The following GGTA1 variants were observed in gnomAD, a reference collection of about 807,000 sequenced individuals.
GGTA1 encodes the protein inactive N-acetyllactosaminide alpha-1,3-galactosyltransferase.
In GGTA1, 5 loss-of-function variants were observed where a neutral mutation model predicts 2.6. That is an observed-to-expected ratio of 1.92 (90% confidence interval 1.00 to 4.04). GGTA1 has a LOEUF of 4.04. Among genes scored for constraint, GGTA1 ranks in the 30% most tolerant of loss-of-function variants. The pLI, the probability that GGTA1 is intolerant of heterozygous loss-of-function variation, is 0.00. For synonymous variants in GGTA1, 17 were observed against 5.0 expected, an observed-to-expected ratio of 3.38 and a Z score of -3.19; for missense variants, 50 against 16.7, an observed-to-expected ratio of 2.99 and a Z score of -3.47.
chr9:121,487,247 C>G (rs1176681645), intron 1 of GGTA1, among the ~76,000 whole-genome samples: 1 of 152,086 alleles, frequency 6.6e-6, no homozygotes, highest in African/African-American at 2.4e-5. Context: ...CTGGGTTGAT[C>G]TCTGTTCCCA....
intron 1 of GGTA1, among the ~76,000 whole-genome samples, chr9:121,477,072 G>C (rs1828524492): frequency 6.6e-6 from 1 of 152,192 alleles, no homozygotes; most frequent in Non-Finnish European, 1.5e-5. Flanking sequence ...CTATGATCCA[G>C]GTCTCACAGC....
intron 1 of GGTA1, among the ~76,000 whole-genome samples, chr9:121,474,657 C>G (rs1473559580): frequency 6.6e-6 from 1 of 152,190 alleles, no homozygotes; most frequent in Non-Finnish European, 1.5e-5. Flanking sequence ...TCGTTCCAAA[C>G]AGAATTCCAC....
At position 121,455,660 on chromosome 9, in the gene GGTA1, C is replaced by T. The variant is rs2064905311; in HGVS notation, c.*177G>A. The stretch of plus-strand genomic sequence containing the variant: ...CCCAGTTCCCTGCTCTATACCAGGT[C>T]ATCCTGCTAAGCGCTGAGATGGGAG... On this transcript the variant is annotated 3_prime_UTR_variant, in exon 6 of 6. Transcript: ENST00000481799. 2 of 280,518 alleles carry T rather than the reference C, an allele frequency of 7.1e-6. No individual in the cohort carries two copies. The highest frequency in any genetic ancestry group is 8.1e-5 in the Admixed American group (2 of 24,736). 17.4% of individuals were successfully genotyped at this position (280,518 alleles called of 1,614,324 possible).
Position 121,487,296 on chromosome 9 carries a change from A to C in GGTA1, c.-10+12354T>G, listed in dbSNP as rs541969233. Among the ~76,000 whole-genome samples, 27 of 150,056 alleles carry C rather than the reference A, an allele frequency of 1.8e-4. 1 individual carries two copies. Among genetic ancestry groups the C allele is most frequent in the Middle Eastern group, 3.4e-3 (1 of 292 alleles). On this transcript the variant is annotated intron_variant, in intron 1 of 5. Transcript: ENST00000481799. ...GCCTCACGAGTTAAAGATGAGGCTC[A>C]GGCTGCGCGCGGTGACTCACACCTT...
At chr9:121,465,811 C>G (rs1283938157) in intron 2 of GGTA1, among the ~76,000 whole-genome samples, 1 of 152,186 alleles carries the variant, frequency 6.6e-6, no homozygotes, top group Non-Finnish European at 1.5e-5. Flanking sequence ...TGACAGCTAG[C>G]ATTTATTGTT....
chr9:121,456,734 T>C (rs1325643157), intron 5 of GGTA1, among the ~76,000 whole-genome samples: 1 of 151,792 alleles, frequency 6.6e-6, no homozygotes, highest in African/African-American at 2.4e-5. Context: ...TAAAATTCTA[T>C]GAATCATGGA....
At chr9:121,467,086 T>C (rs2065010460) in intron 2 of GGTA1, among the ~76,000 whole-genome samples, 1 of 152,102 alleles carries the variant, frequency 6.6e-6, no homozygotes, top group Admixed American at 6.6e-5. Context: ...TACAACTCAA[T>C]TGTACAGTAG....
At position 121,476,267 on chromosome 9, in the gene GGTA1, C is replaced by T. The variant is rs536132205; in HGVS notation, c.-9-8336G>A. Among the ~76,000 whole-genome samples the T allele has an allele frequency of 1.3e-5, 2 of 152,264 alleles. No homozygotes were observed. The highest frequency in any genetic ancestry group is 4.1e-4 in the South Asian group (2 of 4,824). On this transcript the variant is annotated intron_variant, in intron 1 of 5. Transcript: ENST00000481799. This position sits in a 1 kb window ranked among gnomAD's most constrained non-coding sequence, Gnocchi z 4.6. ...CATGCCCTGCTCTATCCCAGGAACA[C>T]GGCTCTGACCAGACCAGCTGCACCT...
exon 8 of GGTA1, chr9:121,445,754 G>A (rs902447065): frequency 1.3e-5 from 2 of 152,184 alleles, no homozygotes; most frequent in Admixed American, 1.3e-4. Flanking sequence ...CTATAGTGCA[G>A]ATGGAGCAGG....
intron 1 of GGTA1, among the ~76,000 whole-genome samples, chr9:121,493,701 C>T (rs1030481645): frequency 1.5e-4 from 22 of 151,110 alleles, no homozygotes; most frequent in African/African-American, 5.1e-4. Flanking sequence ...CTCTTGACCA[C>T]ATCCTCCTGG....
chr9:121,479,670 GACCAGCC>G (rs6151164), intron 1 of GGTA1, among the ~76,000 whole-genome samples: 40,968 of 151,764 alleles, frequency 0.27, 6,041 homozygotes, highest in Middle Eastern at 0.37. Flanking sequence ...CTGCTCCTAG[GACCAGCC>G]ACCAGCCAAT....
downstream of GGTA1, chr9:121,452,075 A>G (rs2064880758): frequency 6.6e-6 from 1 of 152,660 alleles, no homozygotes; most frequent in Admixed American, 6.5e-5. Flanking sequence ...TCAGTTCAGG[A>G]GTCTCCACAC....
rs548494535 is a variant in GGTA1 at position 121,492,969 on chromosome 9, C to A, written c.-10+6681G>T. Among the ~76,000 whole-genome samples the A allele has an allele frequency of 6.4e-4, 97 of 151,954 alleles. 1 individual carries two copies. Among genetic ancestry groups the A allele is most frequent in the African/African-American group, 2.3e-3 (94 of 41,474 alleles). The stretch of plus-strand genomic sequence containing the variant: ...GACCAGCCTGGCCAACATGGGGAAA[C>A]CCCGTCTCTACTAAAAATACAAAAA... On this transcript the variant is annotated intron_variant, in intron 1 of 5. Transcript: ENST00000481799.
intron 1 of GGTA1, among the ~76,000 whole-genome samples, chr9:121,469,339 G>T (rs981489920): frequency 6.6e-6 from 1 of 152,186 alleles, no homozygotes; most frequent in East Asian, 1.9e-4. Context: ...TATTTAAACA[G>T]ACAGCATTAA....
chr9:121,489,569 C>T (rs1384357289), intron 1 of GGTA1, among the ~76,000 whole-genome samples: 1 of 152,160 alleles, frequency 6.6e-6, no homozygotes, highest in Non-Finnish European at 1.5e-5. Flanking sequence ...CTACTGTGCA[C>T]CTACTCCCAG....
At chr9:121,458,765 T>C (rs1346767204) in intron 5 of GGTA1, among the ~76,000 whole-genome samples, 1 of 152,122 alleles carries the variant, frequency 6.6e-6, no homozygotes, top group Admixed American at 6.5e-5. Context: ...CTGGTGACTA[T>C]GGTCTGTCCC....
chr9:121,464,121 G>A (rs934693556), intron 2 of GGTA1, among the ~76,000 whole-genome samples: 2 of 152,102 alleles, frequency 1.3e-5, no homozygotes, highest in East Asian at 3.9e-4. Context: ...CAGCACAATG[G>A]TCACAGCAAT....
chr9:121,484,826 T>C (rs569625346), intron 1 of GGTA1, among the ~76,000 whole-genome samples: 3 of 152,318 alleles, frequency 2.0e-5, no homozygotes, highest in African/African-American at 7.2e-5. Context: ...TCTCTAAGAC[T>C]AGCTGTTCTT....
At chr9:121,488,176 C>T (rs1828800416) in intron 1 of GGTA1, among the ~76,000 whole-genome samples, 1 of 149,480 alleles carries the variant, frequency 6.7e-6, no homozygotes, top group Non-Finnish European at 1.5e-5. Context: ...GGTCTCACTG[C>T]ATTGCTCAGG....
Sources: allele counts gnomAD v4.1 joint callset (sites outside exome capture counted in the v4.1 genomes callset), GRCh38; gene constraint gnomAD v4.1.1; non-coding constraint Gnocchi (gnomAD v3.1); transcripts MANE v1.5; gene names NCBI Gene and HGNC (gene_info 2026-07-23, HGNC 2026-07-21).